The following DMRTC1B variants were observed in gnomAD, a reference collection of about 807,000 sequenced individuals.
The protein encoded by DMRTC1B is doublesex- and mab-3-related transcription factor C1.
chrX:72,839,171 A>G (rs2054716339), intron 1 of DMRTC1B, among the ~76,000 whole-genome samples: 1 of 111,710 alleles, frequency 9.0e-6, no homozygotes, highest in Non-Finnish European at 1.9e-5. Flanking sequence ...CTAAAGAGAC[A>G]TGACAACTGT....
chrX:72,820,598 G>A (rs1469538291), intron 1 of DMRTC1B, among the ~76,000 whole-genome samples: 3 of 98,488 alleles, frequency 3.0e-5, no homozygotes, highest in Non-Finnish European at 6.0e-5. Flanking sequence ...GCCCACTGCA[G>A]GCTCCGCCCC....
At chrX:72,790,510 G>GA (rs1272621628) in intron 1 of DMRTC1B, among the ~76,000 whole-genome samples, 16 of 113,298 alleles carry the variant, frequency 1.4e-4, no homozygotes, top group African/African-American at 5.1e-4. Context: ...CAGGAAGGGG[G>GA]ATCCTTGGAA....
intron 1 of DMRTC1B, among the ~76,000 whole-genome samples, chrX:72,805,150 AT>A (rs2054652695): frequency 2.3e-5 from 1 of 43,732 alleles, no homozygotes; most frequent in Non-Finnish European, 4.6e-5. Flanking sequence ...ATGCATGAGC[AT>A]CTGTTTTGTG....
At chrX:72,820,639 C>T (rs2054692278) in intron 1 of DMRTC1B, among the ~76,000 whole-genome samples, 1 of 87,767 alleles carries the variant, frequency 1.1e-5, no homozygotes, top group Non-Finnish European at 2.2e-5. Flanking sequence ...CTGCCTCAGC[C>T]TCCCGAGTAG....
intron 1 of DMRTC1B, among the ~76,000 whole-genome samples, chrX:72,802,550 C>G (rs782404388): frequency 1.5e-5 from 1 of 68,848 alleles, no homozygotes; most frequent in South Asian, 6.0e-4. Context: ...TAGCGTCGGT[C>G]CTTCTCAACC....
intron 1 of DMRTC1B, chrX:72,807,344 T>C (rs2054661913): frequency 8.3e-6 from 3 of 359,547 alleles, no homozygotes; most frequent in Admixed American, 4.7e-5. Context: ...CTCTCTCCCT[T>C]CACAACCCCA....
chrX:72,840,009 C>T (rs2054724212), intron 1 of DMRTC1B, among the ~76,000 whole-genome samples: 1 of 113,516 alleles, frequency 8.8e-6, no homozygotes, highest in African/African-American at 3.2e-5. Flanking sequence ...TGCCTGTAAT[C>T]CCAGCTACTC....
chrX:72,820,578 C>A (rs1396326175), intron 1 of DMRTC1B, among the ~76,000 whole-genome samples: 1 of 95,091 alleles, frequency 1.1e-5, no homozygotes, highest in African/African-American at 4.4e-5. Context: ...AGTGCAGTGG[C>A]GCAATCTCGG....
rs1340427349 is a variant in DMRTC1B, at chrX:72,848,106, G to A, written c.467-157G>A. Among the ~76,000 whole-genome samples, 4 of 15,657 alleles carry A rather than the reference G, an allele frequency of 2.6e-4. 1 individual carries two copies. In the Non-Finnish European group the frequency reaches 9.2e-3, roughly 36 times the overall value. 13.6% of individuals were successfully genotyped at this position (15,657 alleles called of 115,157 possible). On this transcript the variant is annotated intron_variant, in intron 6 of 6. Transcript: ENST00000334036. The stretch of plus-strand genomic sequence containing the variant: ...TTGTGGTGGCTTTGATGGAAGGATT[G>A]GGGGAGGCAAGATGGGAGATGGGGA...
At chrX:72,807,320 A>C (rs1174821981) in intron 1 of DMRTC1B, 5 of 347,301 alleles carry the variant, frequency 1.4e-5, no homozygotes, top group African/African-American at 7.3e-5. Flanking sequence ...TAACAGGGCT[A>C]AGGAAGATGC....
rs1291895383 is a variant in DMRTC1B, at chrX:72,846,126, G to A, written c.257+121G>A. ...AGGAGGAGGTGGTGGAGGGGGAGGA[G>A]GAGCAGGAGGAGGAGGAGGAGGAGG... On this transcript the variant is annotated intron_variant, in intron 4 of 6. Transcript: ENST00000334036. The A allele has an allele frequency of 4.1e-5, 4 of 96,530 alleles. No homozygotes were observed. The African/African-American group carries it at 4.8e-4, about 12-fold the overall frequency. The allele number at this position is 96,530 out of a possible 1,213,427, so 8.0% of individuals were successfully genotyped here.
At chrX:72,832,658 AGGGGAG>A (rs1439448471) in intron 1 of DMRTC1B, among the ~76,000 whole-genome samples, 7 of 103,891 alleles carry the variant, frequency 6.7e-5, no homozygotes, top group Admixed American at 1.1e-4. Context: ...GGAGGGCAGG[AGGGGAG>A]GGGGAGGGGG....
At chrX:72,840,148 AAAGAAAAGAGAAAAAGCAAAGCAAAGC>A (rs1556349392) in intron 1 of DMRTC1B, among the ~76,000 whole-genome samples, 1,070 of 100,791 alleles carry the variant, frequency 0.011, 12 homozygotes, top group African/African-American at 0.025. Context: ...AAAAAGAAAG[AAAGAAAAGAGAAAAAGCAAAGCAAAGC>A]AAAGAGAAAA....
rs1603284147 is a variant in DMRTC1B at position 72,845,919 on chromosome X, G to A, written c.171G>A (p.Leu57=). The change falls in exon 4 of 7, where the codon TTG becomes TTA. Residue 57 remains leucine (L), a synonymous_variant. Coordinates refer to ENST00000334036, the MANE Select transcript of DMRTC1B (RefSeq NM_001386972.1). ...TGCTTGGCCAGGCCCCAGAACCTTT[G>A]TCTCTGCCCTGTACTCCAGTGACCT... ...ALLLGQAPEP[L]SLPCTPVTLE... 3.7e-4 allele frequency: 6 copies of A among 16,157 alleles called. No individual in the cohort carries two copies. The highest frequency in any genetic ancestry group is 6.8e-4 in the East Asian group (6 of 8,871). The allele number at this position is 16,157 out of a possible 1,213,427, so 1.3% of individuals were successfully genotyped here. A position where few individuals can be genotyped will look rare whatever the true frequency, so the allele number is the denominator to read the frequency against.
chrX:72,807,502 G>A lies in DMRTC1B; in HGVS notation c.-95+30254G>A. The A allele has an allele frequency of 2.2e-5, 13 of 584,395 alleles. 1 individual carries two copies. Among genetic ancestry groups the A allele is most frequent in the Non-Finnish European group, 3.0e-5 (12 of 405,722 alleles). 48.2% of individuals were successfully genotyped at this position (584,395 alleles called of 1,213,427 possible). On this transcript the variant is annotated intron_variant, in intron 1 of 6. Transcript: ENST00000334036. ...GCGAGCAGGGGCATGGAGCATCAGA[G>A]GGGGCTCGGTCACCGTTCACGCCTG...
chrX:72,832,746 CCAGA>C (rs1458613070), intron 1 of DMRTC1B, among the ~76,000 whole-genome samples: 1 of 91,263 alleles, frequency 1.1e-5, no homozygotes, highest in African/African-American at 4.0e-5. Flanking sequence ...GATGCCCAGA[CCAGA>C]CAAAGACACA....
intron 1 of DMRTC1B, among the ~76,000 whole-genome samples, chrX:72,820,232 A>G (rs1328554707): frequency 9.5e-5 from 4 of 41,914 alleles, no homozygotes; most frequent in Non-Finnish European, 1.8e-4. Flanking sequence ...TTATTTTTCC[A>G]TAATGTAGAT....
intron 1 of DMRTC1B, among the ~76,000 whole-genome samples, chrX:72,841,398 AAAGG>A (rs1191065909): frequency 4.4e-4 from 1 of 2,292 alleles, no homozygotes; most frequent in Non-Finnish European, 8.2e-4. Flanking sequence ...GAGGAAGAAG[AAAGG>A]AAGGAAGGAA....
intron 1 of DMRTC1B, among the ~76,000 whole-genome samples, chrX:72,792,620 T>TA (rs2054619569): frequency 1.8e-5 from 2 of 111,055 alleles, no homozygotes; most frequent in African/African-American, 6.5e-5. Context: ...GGGTGTTCGC[T>TA]GGGGGCCTGT....
Sources: gnomAD v4.1 joint callset for allele counts (sites outside exome capture counted in the v4.1 genomes callset) on GRCh38, gnomAD v4.1.1 for gene constraint, MANE v1.5 for transcripts, NCBI Gene and HGNC (gene_info 2026-07-23, HGNC 2026-07-21) for gene names.